Variants in CELF4 observed in about 807,000 individuals in gnomAD.
CELF4 encodes CUG-BP- and ETR-3-like factor 4.
In CELF4, 18 loss-of-function variants were observed where a neutral mutation model predicts 59.9. That is an observed-to-expected ratio of 0.30 (90% CI 0.21 to 0.45). The LOEUF (loss-of-function observed/expected upper bound fraction) is 0.45. Ranked by LOEUF, CELF4 falls within the 20% of genes least tolerant of loss-of-function variation. CELF4 has a pLI of 1.00. For synonymous variants in CELF4, 261 were observed against 267.1 expected, an observed-to-expected ratio of 0.98 and a Z score of 0.22; for missense variants, 456 against 689.0, an observed-to-expected ratio of 0.66 and a Z score of 3.79.
At chr18:37,486,353 G>A (rs1209275057) in intron 1 of CELF4, among the ~76,000 whole-genome samples, 1 of 152,120 alleles carries the variant, frequency 6.6e-6, no homozygotes, top group Non-Finnish European at 1.5e-5. Context: ...AACTGAGAAG[G>A]CTCAGTCTAG....
chr18:37,541,763 C>T lies in CELF4; in HGVS notation c.286+23593G>A, dbSNP rs888237266. ...TCCGGGCCTTTGCACCTGCTGTTCT[C>T]TCTGCTGGAAGTGCTTTCTCCCGCC... On this transcript the variant is annotated intron_variant, in intron 1 of 12. Coordinates refer to ENST00000420428, the MANE Select transcript of CELF4 (RefSeq NM_020180.4). Among the ~76,000 whole-genome samples the T allele has an allele frequency of 2.0e-5, 3 of 151,852 alleles. No homozygotes were observed. The South Asian group carries it at 6.3e-4, about 32-fold the overall frequency.
At chr18:37,325,372 G>A (rs542225069) in intron 2 of CELF4, among the ~76,000 whole-genome samples, 1 of 152,268 alleles carries the variant, frequency 6.6e-6, no homozygotes, top group South Asian at 2.1e-4. Flanking sequence ...CTGCGGATTC[G>A]CCTGGCCAGG....
In CELF4 at chr18:37,362,451, C is replaced by T. The variant is rs999661167; in HGVS notation, c.370-40570G>A. ...TGTTAGCTCCAGGCATGGGGCTGGC[C>T]GGCTGTGGGGCTCCTAGGACAAAGC... is the stretch of plus-strand genomic sequence containing the variant. On this transcript the variant is annotated intron_variant, in intron 2 of 12. Transcript: ENST00000420428. Among the ~76,000 whole-genome samples, 8 of 152,132 alleles carry T rather than the reference C, an allele frequency of 5.3e-5. No individual in the cohort carries two copies. In the East Asian group the frequency reaches 7.7e-4, roughly 15 times the overall value.
At chr18:37,541,269 A>G (rs935430824) in intron 1 of CELF4, among the ~76,000 whole-genome samples, 2 of 151,976 alleles carry the variant, frequency 1.3e-5, no homozygotes, top group East Asian at 3.9e-4. Flanking sequence ...CAGAATTTTG[A>G]TCATCCATCC....
At position 37,254,130 on chromosome 18, in the gene CELF4, C is replaced by G. The variant is rs1444602519; in HGVS notation, c.1334-192G>C. The G allele has an allele frequency of 4.1e-6, 1 of 241,438 alleles. No homozygotes were observed. Among genetic ancestry groups the G allele is most frequent in the Admixed American group, 5.8e-5 (1 of 17,362 alleles). 15.0% of individuals were successfully genotyped at this position (241,438 alleles called of 1,614,324 possible). The stretch of plus-strand genomic sequence containing the variant: ...CGTGCTAGGCCCCTCCGGGGGCAGG[C>G]GCTGGCGGGGACCCGGCTCGCTGAC... On this transcript the variant is annotated intron_variant, in intron 11 of 12. Coordinates refer to ENST00000420428, the MANE Select transcript of CELF4 (RefSeq NM_020180.4). This position sits in a 1 kb window ranked among gnomAD's most constrained non-coding sequence, Gnocchi z 5.1.
rs112013448 is a variant in CELF4 at position 37,408,029 on chromosome 18, A to G, written c.369+77496T>C. Among the ~76,000 whole-genome samples the G allele has an allele frequency of 5.2e-3, 792 of 152,328 alleles. 9 individuals are homozygous for G. Among genetic ancestry groups the G allele is most frequent in the African/African-American group, 0.018 (763 of 41,582 alleles). On this transcript the variant is annotated intron_variant, in intron 2 of 12. Coordinates refer to ENST00000420428, the MANE Select transcript of CELF4 (RefSeq NM_020180.4). Reference sequence around the variant, plus strand: ...CTGTGTGTACCGAAATTTGGCTGGCACAGAATACTAGTGAGGAGAAGCGGC... The same window carrying G: ...CTGTGTGTACCGAAATTTGGCTGGCGCAGAATACTAGTGAGGAGAAGCGGC...
chr18:37,480,281 C>T (rs186746557), intron 2 of CELF4, among the ~76,000 whole-genome samples: 2 of 152,224 alleles, frequency 1.3e-5, no homozygotes, highest in Admixed American at 6.5e-5. Context: ...GCTGATGGGA[C>T]CCAGACTCAC....
intron 4 of CELF4, 80 bp from the exon 5 acceptor site, chr18:37,274,964 G>T: frequency 6.4e-7 from 1 of 1,552,650 alleles, no homozygotes; most frequent in Non-Finnish European, 8.8e-7. Context: ...CATCCCAGGT[G>T]AACGCAGACG....
At chr18:37,259,286 GGCGGGGGAGGAGGGATGGCA>G in intron 10 of CELF4, 22 bp from the exon 11 acceptor site, 1 of 964,792 alleles carries the variant, frequency 1.0e-6, no homozygotes, top group Admixed American at 2.0e-5. Flanking sequence ...GGAGGGGGTG[GGCGGGGGAGGAGGGATGGCA>G]GGGTGGGGGA....
chr18:37,527,347 TAAAGTTATTCTTGGAATA>T (rs2099965064), intron 1 of CELF4, among the ~76,000 whole-genome samples: 1 of 152,088 alleles, frequency 6.6e-6, no homozygotes, highest in East Asian at 1.9e-4. Context: ...CTCGAGCCTC[TAAAGTTATTCTTGGAATA>T]AACTGAACCC....
At chr18:37,455,505 G>A (rs760380485) in intron 2 of CELF4, among the ~76,000 whole-genome samples, 1 of 152,188 alleles carries the variant, frequency 6.6e-6, no homozygotes, top group Non-Finnish European at 1.5e-5. Context: ...TGTGGTTTGG[G>A]GCTCCCCAAT....
At chr18:37,374,608 C>T (rs1387034227) in intron 2 of CELF4, among the ~76,000 whole-genome samples, 2 of 152,192 alleles carry the variant, frequency 1.3e-5, no homozygotes, top group African/African-American at 4.8e-5. Context: ...ACCATGTGTA[C>T]AGAGGGTGAG....
At chr18:37,526,600 T>C (rs1280049641) in intron 1 of CELF4, among the ~76,000 whole-genome samples, 1 of 152,248 alleles carries the variant, frequency 6.6e-6, no homozygotes, top group Non-Finnish European at 1.5e-5. Flanking sequence ...ATAAGAATGA[T>C]GTTTTAATGG....
chr18:37,287,497 G>A (rs926774431), intron 3 of CELF4, among the ~76,000 whole-genome samples: 2 of 152,196 alleles, frequency 1.3e-5, no homozygotes, highest in African/African-American at 2.4e-5. Flanking sequence ...AGGTCAGCAC[G>A]CGGCTTAGCC....
intron 2 of CELF4, among the ~76,000 whole-genome samples, chr18:37,476,394 G>A (rs2099849126): frequency 6.6e-6 from 1 of 152,142 alleles, no homozygotes. Context: ...GCCCCCTGGT[G>A]GGCTCATGGG....
chr18:37,421,699 G>T (rs2099579370), intron 2 of CELF4, among the ~76,000 whole-genome samples: 1 of 152,256 alleles, frequency 6.6e-6, no homozygotes, highest in Non-Finnish European at 1.5e-5. Flanking sequence ...CGGAGGCTCA[G>T]GCTTGAGGGT....
At chr18:37,277,770 C>T (rs1266199050) in intron 3 of CELF4, among the ~76,000 whole-genome samples, 1 of 152,168 alleles carries the variant, frequency 6.6e-6, no homozygotes, top group Non-Finnish European at 1.5e-5. Context: ...CTCCCTACCT[C>T]CCCCTCAACC....
intron 2 of CELF4, among the ~76,000 whole-genome samples, chr18:37,336,415 C>T (rs1222723314): frequency 4.6e-5 from 7 of 152,166 alleles, no homozygotes; most frequent in Non-Finnish European, 1.0e-4. Context: ...AACTCCTGGG[C>T]TCAAGCAATC....
intron 7 of CELF4, 111 bp downstream of exon 7, chr18:37,272,905 A>C: frequency 2.7e-6 from 3 of 1,094,842 alleles, no homozygotes; most frequent in South Asian, 3.0e-5. Flanking sequence ...GGGCCCAGAC[A>C]CTATGTGCTT....
Sources: gnomAD v4.1 joint callset for allele counts (sites outside exome capture counted in the v4.1 genomes callset) on GRCh38, gnomAD v4.1.1 for gene constraint, Gnocchi (gnomAD v3.1) non-coding constraint, MANE v1.5 for transcripts, NCBI Gene and HGNC (gene_info 2026-07-23, HGNC 2026-07-21) for gene names.